The following IGF2BP1 variants were observed in gnomAD, a reference collection of about 807,000 sequenced individuals.
IGF2BP1 encodes insulin-like growth factor 2 mRNA-binding protein 1.
IGF2BP1 carries 11 observed loss-of-function variants against 74.9 expected under a neutral mutation model. The ratio of observed to expected loss-of-function variants is 0.15; its 90% CI spans 0.09 to 0.24. The LOEUF (loss-of-function observed/expected upper bound fraction) is 0.24. Ranked by LOEUF, IGF2BP1 falls within the 10% of genes least tolerant of loss-of-function variation. The probability of loss-of-function intolerance (pLI) is 1.00; values close to 1 mark genes in which losing one functional copy is unlikely to be tolerated. For synonymous variants in IGF2BP1, 287 were observed against 281.8 expected (o/e 1.02, Z -0.18); for missense variants, 440 against 757.4 (o/e 0.58, Z 4.92).
rs758313866 is a variant in IGF2BP1, at chr17:49,033,184, C to T, written c.401+1211C>T. ...ATTTTGAGACTGAGTCTTACTCTGT[C>T]GTACAGGAGGCTGGAGTGCAGTGGT... On this transcript the variant is annotated intron_variant, in intron 5 of 14. Transcript: ENST00000290341. Among the ~76,000 whole-genome samples the T allele has an allele frequency of 6.6e-5, 10 of 151,428 alleles. 1 individual carries two copies. The highest frequency in any genetic ancestry group is 1.5e-4 in the Non-Finnish European group (10 of 67,904).
At chr17:49,016,775 T>TCGACAGCC (rs917603597) in intron 2 of IGF2BP1, among the ~76,000 whole-genome samples, 1 of 149,004 alleles carries the variant, frequency 6.7e-6, no homozygotes, top group Non-Finnish European at 1.5e-5. Context: ...AGCCTGCCAC[T>TCGACAGCC]CGACAGCCCG....
chr17:49,046,725 AAAG>A (rs1268667047), intron 14 of IGF2BP1, among the ~76,000 whole-genome samples: 1 of 151,732 alleles, frequency 6.6e-6, no homozygotes, highest in Non-Finnish European at 1.5e-5. Context: ...ACTGGTTAAG[AAAG>A]AAGATTAGTT....
intron 1 of IGF2BP1, among the ~76,000 whole-genome samples, 188 bp from the exon 2 acceptor site, chr17:48,998,921 A>C (rs2041445794): frequency 1.3e-5 from 2 of 152,002 alleles, no homozygotes; most frequent in South Asian, 4.2e-4. Context: ...AATAATAACG[A>C]ATTTACAGAC....
rs564460287 is a variant in IGF2BP1 at position 49,011,029 on chromosome 17, C to T, written c.236+11860C>T. Reference sequence around the variant, plus strand: ...GCGCGCACCTGTAATCCCAGCTTCTCGGGGAGGCTAAGGCAGGAGAATCGC... The same window carrying T: ...GCGCGCACCTGTAATCCCAGCTTCTTGGGGAGGCTAAGGCAGGAGAATCGC... On this transcript the variant is annotated intron_variant, in intron 2 of 14. Transcript: ENST00000290341. Among the ~76,000 whole-genome samples the T allele has an allele frequency of 1.3e-4, 19 of 146,244 alleles. No homozygotes were observed. In the South Asian group the frequency reaches 1.6e-3, roughly 12 times the overall value.
At position 49,029,094 on chromosome 17, in the gene IGF2BP1, C is replaced by T. The variant is rs111942053; in HGVS notation, c.337+2577C>T. On this transcript the variant is annotated intron_variant, in intron 4 of 14. Coordinates refer to ENST00000290341, the MANE Select transcript of IGF2BP1 (RefSeq NM_006546.4). ...TGCTGGGATTACAGGAGTAAGCCAC[C>T]GCACCTGGCCTCATCTGATTTATAT... Among the ~76,000 whole-genome samples, 312 of 152,292 alleles carry T rather than the reference C, an allele frequency of 2.0e-3. 1 individual carries two copies. Among genetic ancestry groups the T allele is most frequent in the African/African-American group, 7.3e-3 (305 of 41,550 alleles).
chr17:49,031,203 GT>G (rs1222303566), intron 4 of IGF2BP1, among the ~76,000 whole-genome samples: 6 of 152,132 alleles, frequency 3.9e-5, no homozygotes, highest in African/African-American at 1.4e-4. Context: ...CGCCTCCCAG[GT>G]TCAAGCGATC....
chr17:49,003,987 G>C (rs2041516325), intron 2 of IGF2BP1, among the ~76,000 whole-genome samples: 2 of 152,046 alleles, frequency 1.3e-5, no homozygotes, highest in Non-Finnish European at 2.9e-5. Flanking sequence ...AGAGAGTAGA[G>C]AGAGAGAAAG....
chr17:49,033,151 T>C (rs2041944915), intron 5 of IGF2BP1, among the ~76,000 whole-genome samples: 1 of 151,888 alleles, frequency 6.6e-6, no homozygotes, highest in African/African-American at 2.4e-5. Context: ...TTTATTTATT[T>C]ATTTATTATT....
At chr17:49,027,146 G>T (rs1402809860) in intron 4 of IGF2BP1, among the ~76,000 whole-genome samples, 1 of 152,178 alleles carries the variant, frequency 6.6e-6, no homozygotes, top group African/African-American at 2.4e-5. Flanking sequence ...GTGGACTCCT[G>T]GCCTCGGCTT....
At chr17:49,008,516 G>GA (rs1555595496) in intron 2 of IGF2BP1, among the ~76,000 whole-genome samples, 2 of 152,210 alleles carry the variant, frequency 1.3e-5, no homozygotes, top group Non-Finnish European at 2.9e-5. Flanking sequence ...AGGTGGAACA[G>GA]AATGATCTTC....
At chr17:48,998,816 C>T (rs1030841412) in intron 1 of IGF2BP1, among the ~76,000 whole-genome samples, 9 of 152,218 alleles carry the variant, frequency 5.9e-5, no homozygotes, top group East Asian at 5.8e-4. Context: ...GGCAGCGCAC[C>T]CACACAAATG....
At chr17:48,999,667 CTTTA>C (rs1347119529) in intron 2 of IGF2BP1, among the ~76,000 whole-genome samples, 1 of 151,866 alleles carries the variant, frequency 6.6e-6, no homozygotes, top group Non-Finnish European at 1.5e-5. Context: ...TATGCTTGTA[CTTTA>C]TTTATATTTC....
At chr17:48,999,077 T>A in intron 1 of IGF2BP1, 32 bp from the exon 2 acceptor site, 1 of 1,317,744 alleles carries the variant, frequency 7.6e-7, no homozygotes, top group Non-Finnish European at 1.1e-6. Flanking sequence ...CTGTTCAAGC[T>A]CTCATGGTAA....
At position 48,999,174 on chromosome 17, in the gene IGF2BP1, G is replaced by T; in HGVS notation, c.236+5G>T. The T allele has an allele frequency of 1.2e-6, 1 of 860,144 alleles. No homozygotes were observed. The highest frequency in any genetic ancestry group is 1.8e-6 in the Non-Finnish European group (1 of 562,346). The allele number at this position is 860,144 out of a possible 1,614,324, so 53.3% of individuals were successfully genotyped here. On this transcript the variant is annotated splice_donor_5th_base_variant and intron_variant, in intron 2 of 14. Coordinates refer to ENST00000290341, the MANE Select transcript of IGF2BP1 (RefSeq NM_006546.4). ...TTCGGTGCCCAAAAAACAAAGGTAG[G>T]AAAGAGCTCTTTTCGGGGGGGGTGG...
At position 48,997,712 on chromosome 17, in the gene IGF2BP1, GC is replaced by G. The variant is rs2041424780; in HGVS notation, c.-31del. 2 of 1,602,382 alleles carry G rather than the reference GC, an allele frequency of 1.2e-6. 1 individual carries two copies. Among genetic ancestry groups the G allele is most frequent in the South Asian group, 2.2e-5 (2 of 89,142 alleles). ...CGCCCGCGCCCGCTCGTTCGGCCTT[GC>G]CCGGGACCGCGTCCTGCCCCGAGAC... On this transcript the variant is annotated 5_prime_UTR_variant, in exon 1 of 15. Transcript: ENST00000290341. This position sits in a 1 kb window ranked among gnomAD's most constrained non-coding sequence, Gnocchi z 4.8.
At position 49,045,931 on chromosome 17, in the gene IGF2BP1, C is replaced by T; in HGVS notation, c.1437C>T (p.Phe479=). ...ATGGCAAACTCAAGGAGGAGAACTT[C>T]TTTGGTCCCAAGGAGGAAGTGAAGC... ...RIYGKLKEEN[F]FGPKEEVKLE... The change falls in exon 13 of 15, where the codon TTC becomes TTT. Residue 479 remains phenylalanine, a synonymous_variant. Transcript: ENST00000290341. 1 of 1,614,124 alleles carries T rather than the reference C, an allele frequency of 6.2e-7. No individual in the cohort carries two copies. The highest frequency in any genetic ancestry group is 8.5e-7 in the Non-Finnish European group (1 of 1,179,996).
chr17:49,003,014 C>T (rs2041504505), intron 2 of IGF2BP1, among the ~76,000 whole-genome samples: 1 of 151,954 alleles, frequency 6.6e-6, no homozygotes, highest in African/African-American at 2.4e-5. Flanking sequence ...TGAAATTTTA[C>T]CATAATGGTT....
chr17:49,000,118 C>T (rs1386186943), intron 2 of IGF2BP1, among the ~76,000 whole-genome samples: 1 of 152,086 alleles, frequency 6.6e-6, no homozygotes, highest in Non-Finnish European at 1.5e-5. Context: ...CAGAGTCTTT[C>T]TACTTTCTCA....
In IGF2BP1 at chr17:49,055,174, T is replaced by C. The variant is rs2042212980; in HGVS notation, c.*5730T>C. Reference sequence around the variant, plus strand: ...AAAAAAACCAAAAAAAAAAATTTTTTTTTAAAAGGGAGACATTTTCCAGTG... The same window carrying C: ...AAAAAAACCAAAAAAAAAAATTTTTCTTTAAAAGGGAGACATTTTCCAGTG... On this transcript the variant is annotated 3_prime_UTR_variant, in exon 15 of 15. Transcript: ENST00000290341. 1.3e-5 allele frequency: 2 copies of C among 152,818 alleles called. No homozygotes were observed. The highest frequency in any genetic ancestry group is 4.1e-4 in the South Asian group (2 of 4,826). 9.5% of individuals were successfully genotyped at this position (152,818 alleles called of 1,614,324 possible).
Sources: gnomAD v4.1 joint callset for allele counts (sites outside exome capture counted in the v4.1 genomes callset) on GRCh38, gnomAD v4.1.1 for gene constraint, Gnocchi (gnomAD v3.1) non-coding constraint, MANE v1.5 for transcripts, NCBI Gene and HGNC (gene_info 2026-07-23, HGNC 2026-07-21) for gene names.